PKD2L2: variants seen among roughly 807,000 people sequenced by gnomAD.
PKD2L2 encodes polycystin 2 like 2, transient receptor potential cation channel.
In PKD2L2, 67 loss-of-function variants were observed where a neutral mutation model predicts 83.9. The observed-to-expected ratio is 0.80, with a 90% CI of 0.66 to 0.98. PKD2L2 has a LOEUF of 0.98. PKD2L2 is among the 50% of genes least tolerant of loss of function. The pLI is 0.00. For missense variants in PKD2L2, 632 were observed against 717.2 expected (o/e 0.88, Z 1.36); for synonymous variants, 223 against 237.8 (o/e 0.94, Z 0.57).
In PKD2L2 at chr5:137,923,439, TTAA is replaced by T; in HGVS notation, c.1471_1473del (p.Asn491del). ...CCCTAGAATATGTTCTTGGCAATTA[TTAA>T]TGATACCTATTCTGAAGTGAAAGCT... On this transcript the variant is annotated inframe_deletion, in exon 10 of 15. Transcript: ENST00000508883. 1 of 1,495,338 alleles carries T rather than the reference TTAA, an allele frequency of 6.7e-7. No homozygotes were observed. The highest frequency in any genetic ancestry group is 1.1e-5 in the South Asian group (1 of 88,108). The allele number at this position is 1,495,338 out of a possible 1,614,324, so 92.6% of individuals were successfully genotyped here.
chr5:137,908,976 CT>C (rs1561686722), intron 8 of PKD2L2, 30 bp downstream of exon 8: 2 of 1,354,176 alleles, frequency 1.5e-6, no homozygotes, highest in South Asian at 2.7e-5. Context: ...GTAATTATAT[CT>C]TCTATATTTT....
At chr5:137,937,396 G>GA (rs1760530524) in intron 14 of PKD2L2, among the ~76,000 whole-genome samples, 1 of 152,222 alleles carries the variant, frequency 6.6e-6, no homozygotes, top group African/African-American at 2.4e-5. Flanking sequence ...GTTATGTTTG[G>GA]AAAGTGTAAA....
intron 14 of PKD2L2, chr5:137,939,536 A>T (rs1761051836): frequency 6.4e-6 from 1 of 156,558 alleles, no homozygotes; most frequent in Admixed American, 6.3e-5. Flanking sequence ...TCTGTGTGTG[A>T]TGTGTGGTGT....
intron 8 of PKD2L2, among the ~76,000 whole-genome samples, chr5:137,920,465 AG>A (rs1448766028): frequency 1.3e-5 from 2 of 152,158 alleles, no homozygotes; most frequent in Non-Finnish European, 2.9e-5. Flanking sequence ...GCTATCAAAG[AG>A]GGTAAAATAG....
chr5:137,907,620 C>T lies in PKD2L2; in HGVS notation c.976-122C>T, dbSNP rs1757468484. On this transcript the variant is annotated intron_variant, in intron 6 of 14. Transcript: ENST00000508883. Reference sequence around the variant, plus strand: ...TTTCCATTTATGTAAAAGCATATGTCCTATCTTTCCTTCCCTCTTTGTTAA... The same window carrying T: ...TTTCCATTTATGTAAAAGCATATGTTCTATCTTTCCTTCCCTCTTTGTTAA... 2.7e-5 allele frequency: 13 copies of T among 484,908 alleles called. No individual in the cohort carries two copies. The East Asian group carries it at 4.0e-4, about 15-fold the overall frequency. The allele number at this position is 484,908 out of a possible 1,614,324, so 30.0% of individuals were successfully genotyped here. A position where few individuals can be genotyped will look rare whatever the true frequency, so the allele number is the denominator to read the frequency against.
chr5:137,914,369 A>C (rs1758133375), intron 8 of PKD2L2, among the ~76,000 whole-genome samples: 1 of 151,814 alleles, frequency 6.6e-6, no homozygotes, highest in Non-Finnish European at 1.5e-5. Context: ...TGGAATGCTC[A>C]ACCAGTAAAT....
intron 14 of PKD2L2, chr5:137,938,224 A>C (rs1192387774): frequency 2.0e-5 from 3 of 152,648 alleles, no homozygotes; most frequent in African/African-American, 7.2e-5. Flanking sequence ...ACATTGAATA[A>C]CATATTGAAG....
At chr5:137,924,324 T>C (rs1168904257) in intron 10 of PKD2L2, among the ~76,000 whole-genome samples, 4 of 152,256 alleles carry the variant, frequency 2.6e-5, no homozygotes, top group Non-Finnish European at 5.9e-5. Context: ...TACAATACTG[T>C]ATGTCCCGGC....
At chr5:137,925,961 TG>T in intron 12 of PKD2L2, 32 bp downstream of exon 12, 1 of 1,288,642 alleles carries the variant, frequency 7.8e-7, no homozygotes, top group Non-Finnish European at 1.1e-6. Context: ...TAAACACTAG[TG>T]GTAGCTGTAT....
chr5:137,921,676 G>A lies in PKD2L2; in HGVS notation c.1369G>A (p.Ala457Thr). The change falls in exon 9 of 15, where the codon GCT becomes ACT. Residue 457 changes from alanine to threonine, a missense_variant. Ala to Thr is a moderately conservative substitution (Grantham distance 58). Around this residue, in one of 3 missense-constraint regions of PKD2L2, gnomAD observed 399 missense variants for 416.9 expected, o/e 0.96. Transcript: ENST00000508883. ...FRIVLGDFNF[A>T]GIQQANPILG... ...AATTGTTCTTGGAGATTTTAATTTT[G>A]CTGGTATTCAGCAAGCCAATCCTAT... The A allele has an allele frequency of 6.2e-7, 1 of 1,600,770 alleles. No individual in the cohort carries two copies. The highest frequency in any genetic ancestry group is 8.5e-7 in the Non-Finnish European group (1 of 1,171,646).
At chr5:137,908,710 T>C in intron 7 of PKD2L2, 55 bp from the exon 8 acceptor site, 1 of 818,532 alleles carries the variant, frequency 1.2e-6, no homozygotes, top group Non-Finnish European at 1.9e-6. Context: ...TAATTTATTC[T>C]AAGTAATTTC....
intron 8 of PKD2L2, among the ~76,000 whole-genome samples, chr5:137,919,801 C>CT (rs1453249812): frequency 6.6e-6 from 1 of 152,174 alleles, no homozygotes; most frequent in Non-Finnish European, 1.5e-5. Flanking sequence ...TCTTTGAATG[C>CT]TTTTTCTTCC....
At chr5:137,906,099 C>A in intron 5 of PKD2L2, 107 bp from the exon 6 acceptor site, 1 of 637,278 alleles carries the variant, frequency 1.6e-6, no homozygotes. Flanking sequence ...TTAAAAAAAA[C>A]TGATTATCAT....
chr5:137,912,448 C>T (rs1302644630), intron 8 of PKD2L2, among the ~76,000 whole-genome samples: 2 of 152,092 alleles, frequency 1.3e-5, no homozygotes, highest in East Asian at 1.9e-4. Context: ...CTCACTGTAA[C>T]CTCCTCTTCC....
At chr5:137,907,431 G>C (rs1370009034) in intron 6 of PKD2L2, among the ~76,000 whole-genome samples, 2 of 152,142 alleles carry the variant, frequency 1.3e-5, no homozygotes, top group Non-Finnish European at 2.9e-5. Flanking sequence ...GTATTATGTA[G>C]AGCAAAAATC....
chr5:137,917,805 T>C (rs1283608484), intron 8 of PKD2L2, among the ~76,000 whole-genome samples: 3 of 152,220 alleles, frequency 2.0e-5, no homozygotes, highest in Non-Finnish European at 2.9e-5. Flanking sequence ...GTTTTTTCCA[T>C]TGAATGGCTC....
Position 137,907,820 on chromosome 5 carries a change from A to T in PKD2L2, c.1054A>T (p.Thr352Ser). ...CTTACTTGGACAGCTGTTGAAAAGT[A>T]CTGAAAAATATTCAGATTTCTATTT... ...FLLLGQLLKS[T>S]EKYSDFYFLA... is the part of the protein sequence containing the mutation. Residue 352 changes from threonine to serine, a missense_variant, in exon 7 of 15, where the codon ACT becomes TCT. Physicochemically the swap from Thr to Ser is moderately conservative, Grantham distance 58. Around this residue, in one of 3 missense-constraint regions of PKD2L2, gnomAD observed 399 missense variants for 416.9 expected, o/e 0.96. Transcript: ENST00000508883. 1 of 1,574,392 alleles carries T rather than the reference A, an allele frequency of 6.4e-7. No homozygotes were observed. Among genetic ancestry groups the T allele is most frequent in the Non-Finnish European group, 8.7e-7 (1 of 1,147,074 alleles).
chr5:137,910,568 C>T (rs1175801054), intron 8 of PKD2L2, among the ~76,000 whole-genome samples: 4 of 151,510 alleles, frequency 2.6e-5, no homozygotes, highest in African/African-American at 9.7e-5. Context: ...AGGTCAGGAG[C>T]TCAAGACCAG....
At chr5:137,906,755 CCAGTCACGG>C (rs1367873273) in intron 6 of PKD2L2, among the ~76,000 whole-genome samples, 6 of 115,080 alleles carry the variant, frequency 5.2e-5, no homozygotes, top group African/African-American at 1.8e-4. Context: ...TTGAGTTTCA[CCAGTCACGG>C]GTCTTTGGGG....
Sources: allele counts gnomAD v4.1 joint callset (sites outside exome capture counted in the v4.1 genomes callset), GRCh38; gene constraint gnomAD v4.1.1; regional missense constraint gnomAD v4.1.1; transcripts MANE v1.5; gene names NCBI Gene and HGNC (gene_info 2026-07-23, HGNC 2026-07-21).